ATF7IP: variants seen among roughly 807,000 people sequenced by gnomAD.
ATF7IP encodes activating transcription factor 7 interacting protein.
In ATF7IP, 23 loss-of-function variants were observed where a neutral mutation model predicts 106.4. That is an observed-to-expected ratio of 0.22 (90% CI 0.16 to 0.31). The LOEUF is 0.31. Ranked by LOEUF, ATF7IP falls within the 10% of genes least tolerant of loss-of-function variation. ATF7IP has a pLI of 1.00. For missense variants in ATF7IP, 1,334 were observed against 1,524.3 expected (o/e 0.88, Z 2.08); for synonymous variants, 542 against 539.0 (o/e 1.01, Z -0.08).
At chr12:14,385,524 G>T (rs984814754) in intron 1 of ATF7IP, 1 of 820,346 alleles carries the variant, frequency 1.2e-6, no homozygotes, top group Non-Finnish European at 1.9e-6. Context: ...GAAATGTTTG[G>T]TAGAACCTTT....
At chr12:14,438,046 C>T (rs1041170552) in intron 4 of ATF7IP, 84 bp from the exon 5 acceptor site, 5 of 1,338,590 alleles carry the variant, frequency 3.7e-6, no homozygotes, top group South Asian at 2.8e-5. Flanking sequence ...GAGCGAGACT[C>T]TGTCTCAAAA....
Position 14,475,936 on chromosome 12 carries a change from C to T in ATF7IP, c.2909C>T (p.Thr970Ile). ...GATTCAAGTGGTGTCATTGATCTCA[C>T]AATGGATGATGAAGAGAGTGGAGCT... The part of the protein sequence containing the change: ...GSDSSGVIDL[T>I]MDDEESGASQ... The change falls in exon 11 of 15, where the codon ACA becomes ATA. Residue 970 changes from threonine to isoleucine, a missense_variant. Physicochemically the swap from Thr to Ile is moderately conservative, Grantham distance 89. Coordinates refer to ENST00000261168, the MANE Select transcript of ATF7IP (RefSeq NM_018179.5). 1 of 1,613,818 alleles carries T rather than the reference C, an allele frequency of 6.2e-7. No homozygotes were observed.
intron 1 of ATF7IP, among the ~76,000 whole-genome samples, chr12:14,378,169 C>T (rs985333589): frequency 6.8e-6 from 1 of 147,760 alleles, no homozygotes; most frequent in Non-Finnish European, 1.5e-5. Flanking sequence ...ATGATCTTGG[C>T]TCACTGCAAC....
chr12:14,462,507 G>A (rs972633255), intron 9 of ATF7IP, among the ~76,000 whole-genome samples: 7 of 152,030 alleles, frequency 4.6e-5, no homozygotes, highest in Non-Finnish European at 1.0e-4. Context: ...GTCATGAGAT[G>A]AGATATATTC....
At chr12:14,415,410 G>A (rs899827212) in intron 1 of ATF7IP, among the ~76,000 whole-genome samples, 2 of 152,200 alleles carry the variant, frequency 1.3e-5, no homozygotes, top group Admixed American at 1.3e-4. Flanking sequence ...TGTAGTGACA[G>A]TTCTGGCTTT....
rs550558868 is a variant in ATF7IP at position 14,498,878 on chromosome 12, C to T, written c.*805C>T. On this transcript the variant is annotated 3_prime_UTR_variant, in exon 15 of 15. Coordinates refer to ENST00000261168, the MANE Select transcript of ATF7IP (RefSeq NM_018179.5). ...TTTTTTTTTTTAAGATGGAGTTTTG[C>T]TCTTGTTGCCCAGGCTAGAGTGCGG... is the stretch of plus-strand genomic sequence containing the variant. 6.6e-6 allele frequency: 1 copy of T among 151,338 alleles called. No homozygotes were observed. Among genetic ancestry groups the T allele is most frequent in the African/African-American group, 2.5e-5 (1 of 40,740 alleles). The allele number at this position is 151,338 out of a possible 1,614,324, so 9.4% of individuals were successfully genotyped here. A position where few individuals can be genotyped will look rare whatever the true frequency, so the allele number is the denominator to read the frequency against.
At position 14,367,120 on chromosome 12, in the gene ATF7IP, A is replaced by T. The variant is rs1311871265; in HGVS notation, c.-8+1293A>T. 5.2e-4 allele frequency among the ~76,000 whole-genome samples: 79 copies of T among 152,106 alleles called. 1 individual carries two copies. Among genetic ancestry groups the T allele is most frequent in the Non-Finnish European group, 1.2e-4 (8 of 67,954 alleles). On this transcript the variant is annotated intron_variant, in intron 1 of 14. Coordinates refer to ENST00000261168, the MANE Select transcript of ATF7IP (RefSeq NM_018179.5). ...CTTGCAAATGTTTTCCATAGACTTC[A>T]TTTGTGGTTCATATATACAACAACT...
At chr12:14,431,342 A>G (rs766428605) in intron 2 of ATF7IP, among the ~76,000 whole-genome samples, 39 of 152,064 alleles carry the variant, frequency 2.6e-4, no homozygotes, top group Admixed American at 1.3e-3. Flanking sequence ...AAGAAAATCA[A>G]AGGAATTATA....
intron 1 of ATF7IP, 60 bp from the exon 2 acceptor site, chr12:14,423,849 G>C: frequency 1.3e-6 from 2 of 1,502,014 alleles, no homozygotes; most frequent in South Asian, 2.8e-5. Flanking sequence ...TTTGTATTAA[G>C]TCTACAATTA....
chr12:14,408,878 T>TA (rs532730912), intron 1 of ATF7IP, among the ~76,000 whole-genome samples: 156 of 152,316 alleles, frequency 1.0e-3, no homozygotes, highest in African/African-American at 3.6e-3. Context: ...AGATGTCAGT[T>TA]ACGTGTACAT....
rs188902216 is a variant in ATF7IP, at chr12:14,500,809, C to T, written c.*2736C>T. ...ATAAAAAAAAAATTCATTAGCCTAGCCTATATTATGTTTTCTGTCAAAGGA... is the reference window on the plus strand; with the variant it reads ...ATAAAAAAAAAATTCATTAGCCTAGTCTATATTATGTTTTCTGTCAAAGGA... On this transcript the variant is annotated 3_prime_UTR_variant, in exon 15 of 15. Coordinates refer to ENST00000261168, the MANE Select transcript of ATF7IP (RefSeq NM_018179.5). The T allele has an allele frequency of 2.9e-4, 44 of 152,058 alleles. No homozygotes were observed. Among genetic ancestry groups the T allele is most frequent in the Admixed American group, 9.8e-4 (15 of 15,270 alleles). The allele number at this position is 152,058 out of a possible 1,614,324, so 9.4% of individuals were successfully genotyped here. A position where few individuals can be genotyped will look rare whatever the true frequency, so the allele number is the denominator to read the frequency against.
chr12:14,474,259 C>T (rs144810183), intron 10 of ATF7IP, among the ~76,000 whole-genome samples: 41 of 151,842 alleles, frequency 2.7e-4, no homozygotes, highest in African/African-American at 9.4e-4. Context: ...CTGCCCCCTC[C>T]AATCTGCTTT....
At chr12:14,379,032 A>G (rs1938888677) in intron 1 of ATF7IP, among the ~76,000 whole-genome samples, 1 of 152,172 alleles carries the variant, frequency 6.6e-6, no homozygotes, top group Admixed American at 6.5e-5. Flanking sequence ...CACCATTGAT[A>G]TAGTTTGGAT....
At chr12:14,453,250 C>A (rs1943277572) in intron 6 of ATF7IP, among the ~76,000 whole-genome samples, 1 of 152,172 alleles carries the variant, frequency 6.6e-6, no homozygotes, top group Non-Finnish European at 1.5e-5. Context: ...TTTTCTTCTT[C>A]CAGTTTCAGA....
chr12:14,478,355 A>C lies in ATF7IP; in HGVS notation c.2980A>C (p.Ser994Arg). The C allele has an allele frequency of 1.2e-6, 2 of 1,614,048 alleles. No individual in the cohort carries two copies. The highest frequency in any genetic ancestry group is 1.7e-6 in the Non-Finnish European group (2 of 1,179,942). The change falls in exon 12 of 15, where the codon AGT becomes CGT. Residue 994 changes from serine (S) to arginine (R), a missense_variant. Ser to Arg is a moderately radical substitution (Grantham distance 110). Around this residue, in one of 10 missense-constraint regions of ATF7IP, gnomAD observed 370 missense variants for 401.2 expected, o/e 0.92. Transcript: ENST00000261168. ...KLNHTPVSTM[S>R]SSQPVSRPLQ... ...AAATCACACTCCTGTATCAACCATG[A>C]GTTCTTCTCAGCCTGTGTCACGACC...
At chr12:14,484,613 A>G (rs1374154936) in intron 13 of ATF7IP, among the ~76,000 whole-genome samples, 1 of 152,140 alleles carries the variant, frequency 6.6e-6, no homozygotes, top group Non-Finnish European at 1.5e-5. Flanking sequence ...GTGCCTGCAT[A>G]TGGTGCAGAA....
rs766535846 is a variant in ATF7IP, at chr12:14,460,926, G to A, written c.2590G>A (p.Ala864Thr). The A allele has an allele frequency of 5.0e-6, 8 of 1,614,122 alleles. No homozygotes were observed. In the East Asian group the frequency reaches 1.6e-4, roughly 31 times the overall value. ...TCAAAGGAACCCTACTGCCAGTGCTGCACCATTGGGAACAACACTTGCTGT... is the reference window on the plus strand; with the variant it reads ...TCAAAGGAACCCTACTGCCAGTGCTACACCATTGGGAACAACACTTGCTGT... ...SIQRNPTASA[A>T]PLGTTLAVQA... The change falls in exon 9 of 15, where the codon GCA (alanine) becomes ACA (threonine). Residue 864 changes from alanine to threonine, a missense_variant. Physicochemically the swap from Ala to Thr is moderately conservative, Grantham distance 58. Transcript: ENST00000261168.
intron 2 of ATF7IP, among the ~76,000 whole-genome samples, chr12:14,429,809 C>G (rs1338400131): frequency 2.6e-5 from 4 of 152,100 alleles, no homozygotes; most frequent in Non-Finnish European, 5.9e-5. Context: ...CTTCTTAGTT[C>G]TATTCACTAG....
chr12:14,415,060 C>T (rs193257042), intron 1 of ATF7IP, among the ~76,000 whole-genome samples: 15 of 152,176 alleles, frequency 9.9e-5, no homozygotes, highest in African/African-American at 2.2e-4. Flanking sequence ...TGTGCCACTG[C>T]GCCCAGCTCT....
Sources: gnomAD v4.1 joint callset for allele counts (sites outside exome capture counted in the v4.1 genomes callset) on GRCh38, gnomAD v4.1.1 for gene constraint, gnomAD v4.1.1 regional missense constraint, MANE v1.5 for transcripts, NCBI Gene and HGNC (gene_info 2026-07-23, HGNC 2026-07-21) for gene names.